Variants in NSG1 observed in about 807,000 individuals in gnomAD.
NSG1 encodes the protein neuronal vesicle trafficking associated 1.
Under a neutral mutation model 19.3 loss-of-function variants are expected in NSG1, and 9 were observed. The ratio of observed to expected loss-of-function variants is 0.47; its 90% CI spans 0.28 to 0.81. The LOEUF (loss-of-function observed/expected upper bound fraction) is 0.81. Ranked by LOEUF, NSG1 falls within the 40% of genes least tolerant of loss-of-function variation. The probability of loss-of-function intolerance (pLI) is 0.11; values close to 1 mark genes in which losing one functional copy is unlikely to be tolerated. For synonymous variants in NSG1, 104 were observed against 107.0 expected, an observed-to-expected ratio of 0.97 and a Z score of 0.17; for missense variants, 236 against 242.4, an observed-to-expected ratio of 0.97 and a Z score of 0.18.
intron 3 of NSG1, among the ~76,000 whole-genome samples, chr4:4,402,458 G>C (rs1020412607): frequency 2.1e-5 from 3 of 140,672 alleles, no homozygotes; most frequent in African/African-American, 8.0e-5. Flanking sequence ...CGGGATCTCG[G>C]CTCACTGCAA....
intron 1 of NSG1, 137 bp from the exon 2 acceptor site, chr4:4,387,467 C>G: frequency 1.6e-6 from 1 of 618,230 alleles, no homozygotes; most frequent in Non-Finnish European, 2.9e-6. Context: ...CACCGCGTCC[C>G]CACGAGCCCT....
In NSG1 at chr4:4,407,407, T is replaced by C. The variant is rs951521328; in HGVS notation, c.247-2166T>C. Among the ~76,000 whole-genome samples, 10 of 150,660 alleles carry C rather than the reference T, an allele frequency of 6.6e-5. No homozygotes were observed. In the East Asian group the frequency reaches 2.0e-3, roughly 30 times the overall value. On this transcript the variant is annotated intron_variant, in intron 3 of 4. Coordinates refer to ENST00000621129, the MANE Select transcript of NSG1 (RefSeq NM_014392.5). Reference sequence around the variant, plus strand: ...GCTGGGGAGATGGGAGGGCGGGCGGTGGGATGTAGCAGGTAGCCAGGCGGA... The same window carrying C: ...GCTGGGGAGATGGGAGGGCGGGCGGCGGGATGTAGCAGGTAGCCAGGCGGA...
chr4:4,404,641 C>A (rs1723756147), intron 3 of NSG1, among the ~76,000 whole-genome samples: 1 of 152,228 alleles, frequency 6.6e-6, no homozygotes, highest in Non-Finnish European at 1.5e-5. Context: ...TTAAAAGATA[C>A]TGCAAGGTCC....
At chr4:4,387,443 C>T (rs1483211764) in intron 1 of NSG1, among the ~76,000 whole-genome samples, 161 bp from the exon 2 acceptor site, 2 of 152,080 alleles carry the variant, frequency 1.3e-5, no homozygotes, top group Non-Finnish European at 2.9e-5. Context: ...CCGACCCCCG[C>T]ATCGGGCCGT....
rs1320225885 is a variant in NSG1 at position 4,398,294 on chromosome 4, T to C, written c.246+6703T>C. ...TAATTGTGGTAAAATATGCAAAATATAAAACTTACCGCTTTAAGGTAAGTG... is the reference window on the plus strand; with the variant it reads ...TAATTGTGGTAAAATATGCAAAATACAAAACTTACCGCTTTAAGGTAAGTG... On this transcript the variant is annotated intron_variant, in intron 3 of 4. Coordinates refer to ENST00000621129, the MANE Select transcript of NSG1 (RefSeq NM_014392.5). 2.6e-5 allele frequency among the ~76,000 whole-genome samples: 4 copies of C among 152,314 alleles called. No homozygotes were observed. In the East Asian group the frequency reaches 7.7e-4, roughly 29 times the overall value.
In NSG1 at chr4:4,417,314, T is replaced by A. The variant is rs766394146; in HGVS notation, c.437T>A (p.Val146Asp). 6.2e-7 allele frequency: 1 copy of A among 1,614,040 alleles called. No homozygotes were observed. Among genetic ancestry groups the A allele is most frequent in the Non-Finnish European group, 8.5e-7 (1 of 1,180,028 alleles). The change falls in exon 5 of 5, where the codon GTC (valine) becomes GAC (aspartate). Residue 146 changes from valine to aspartate, a missense_variant. By Grantham distance (152) the Val-to-Asp change is radical. Transcript: ENST00000621129. ...AGTGCCCGGGAGAAATTTTACACAGTCATAAACCACTACAACCTGGCCAAG... is the reference window on the plus strand; with the variant it reads ...AGTGCCCGGGAGAAATTTTACACAGACATAAACCACTACAACCTGGCCAAG... ...DSSAREKFYT[V>D]INHYNLAKQS...
chr4:4,408,020 C>G (rs1243376235), intron 3 of NSG1, among the ~76,000 whole-genome samples: 7 of 152,122 alleles, frequency 4.6e-5, no homozygotes, highest in Admixed American at 4.6e-4. Flanking sequence ...CACTTTCTCA[C>G]GTACATCTCC....
chr4:4,389,528 C>A (rs1024500674), intron 2 of NSG1, among the ~76,000 whole-genome samples: 1 of 152,184 alleles, frequency 6.6e-6, no homozygotes. Flanking sequence ...GGTCACTGGG[C>A]TGAAGGTTAC....
Position 4,417,411 on chromosome 4 carries a change from T to C in NSG1, c.534T>C (p.Thr178=). ...AAGAGAAGCTGTCCGAGCAGGAGACTGAAGCGGCTGAGAAGTCAGCTTAGC... is the reference window on the plus strand; with the variant it reads ...AAGAGAAGCTGTCCGAGCAGGAGACCGAAGCGGCTGAGAAGTCAGCTTAGC... ...LSEEKLSEQE[T]EAAEKSA The change falls in exon 5 of 5, where the codon ACT becomes ACC. Residue 178 remains threonine (T), a synonymous_variant. Transcript: ENST00000621129. 1 of 1,614,242 alleles carries C rather than the reference T, an allele frequency of 6.2e-7. No individual in the cohort carries two copies. Among genetic ancestry groups the C allele is most frequent in the Non-Finnish European group, 8.5e-7 (1 of 1,180,046 alleles).
chr4:4,391,423 G>A, intron 2 of NSG1, 52 bp from the exon 3 acceptor site: 1 of 1,251,074 alleles, frequency 8.0e-7, no homozygotes, highest in Non-Finnish European at 1.1e-6. Context: ...ACCCTCTTTG[G>A]GCAGATATGT....
Position 4,417,511 on chromosome 4 carries a change from A to T in NSG1, c.*76A>T. The T allele has an allele frequency of 7.5e-7, 1 of 1,338,552 alleles. No individual in the cohort carries two copies. Among genetic ancestry groups the T allele is most frequent in the South Asian group, 1.2e-5 (1 of 82,014 alleles). The allele number at this position is 1,338,552 out of a possible 1,614,324, so 82.9% of individuals were successfully genotyped here. ...TTTGAGGGACATTTCATTAAATATA[A>T]TTACTGATACTTTAGAGGTTACTCA... On this transcript the variant is annotated 3_prime_UTR_variant, in exon 5 of 5. Transcript: ENST00000621129.
At position 4,418,519 on chromosome 4, in the gene NSG1, C is replaced by T. The variant is rs1322671528; in HGVS notation, c.*1084C>T. On this transcript the variant is annotated 3_prime_UTR_variant, in exon 5 of 5. Coordinates refer to ENST00000621129, the MANE Select transcript of NSG1 (RefSeq NM_014392.5). ...GTAAGAAAATTGTTCCAGTTTGAAT[C>T]TTGATATTAAAGTTTATGTTTACAA... The T allele has an allele frequency of 6.6e-6, 1 of 152,550 alleles. No homozygotes were observed. Among genetic ancestry groups the T allele is most frequent in the African/African-American group, 2.4e-5 (1 of 41,402 alleles). The allele number at this position is 152,550 out of a possible 1,614,324, so 9.4% of individuals were successfully genotyped here. A position where few individuals can be genotyped will look rare whatever the true frequency, so the allele number is the denominator to read the frequency against.
At position 4,417,705 on chromosome 4, in the gene NSG1, C is replaced by T. The variant is rs1458199383; in HGVS notation, c.*270C>T. The T allele has an allele frequency of 2.1e-6, 1 of 470,728 alleles. No individual in the cohort carries two copies. The highest frequency in any genetic ancestry group is 3.9e-6 in the Non-Finnish European group (1 of 259,656). The allele number at this position is 470,728 out of a possible 1,614,324, so 29.2% of individuals were successfully genotyped here. A position where few individuals can be genotyped will look rare whatever the true frequency, so the allele number is the denominator to read the frequency against. ...CTCCTTTACTGGGATTTATTGGATG[C>T]TGTAAAAAAATAAATTTACACTGGA... On this transcript the variant is annotated 3_prime_UTR_variant, in exon 5 of 5. Coordinates refer to ENST00000621129, the MANE Select transcript of NSG1 (RefSeq NM_014392.5).
At chr4:4,409,523 C>G (rs368431729) in intron 3 of NSG1, 50 bp from the exon 4 acceptor site, 315 of 1,362,254 alleles carry the variant, frequency 2.3e-4, no homozygotes, top group Non-Finnish European at 3.0e-4. Flanking sequence ...GTGTGTGTGT[C>G]TGTCCTGCTG....
intron 3 of NSG1, among the ~76,000 whole-genome samples, chr4:4,406,555 G>A (rs992841758): frequency 6.6e-6 from 1 of 152,172 alleles, no homozygotes; most frequent in Admixed American, 6.5e-5. Context: ...CATGCGACGG[G>A]GCAGCTGGTT....
At chr4:4,414,488 C>A (rs547147556) in intron 4 of NSG1, among the ~76,000 whole-genome samples, 1 of 152,286 alleles carries the variant, frequency 6.6e-6, no homozygotes, top group East Asian at 1.9e-4. Context: ...CTGTATCCAG[C>A]TGCCCTTGGC....
chr4:4,398,477 T>C (rs560705413), intron 3 of NSG1, among the ~76,000 whole-genome samples: 2 of 151,538 alleles, frequency 1.3e-5, no homozygotes, highest in East Asian at 3.9e-4. Flanking sequence ...TAGCCACAAA[T>C]CTGTTTTGTG....
intron 4 of NSG1, among the ~76,000 whole-genome samples, chr4:4,414,133 A>T (rs1165683935): frequency 1.3e-5 from 2 of 151,930 alleles, no homozygotes; most frequent in East Asian, 3.9e-4. Context: ...AGCCTGGAGC[A>T]GGTTCCCCAC....
chr4:4,411,460 C>T (rs1724175889), intron 4 of NSG1, among the ~76,000 whole-genome samples: 1 of 152,090 alleles, frequency 6.6e-6, no homozygotes, highest in South Asian at 2.1e-4. Context: ...ATAACAATGC[C>T]AGGCCAGGTG....
Sources: gnomAD v4.1 joint callset for allele counts (sites outside exome capture counted in the v4.1 genomes callset) on GRCh38, gnomAD v4.1.1 for gene constraint, MANE v1.5 for transcripts, NCBI Gene and HGNC (gene_info 2026-07-23, HGNC 2026-07-21) for gene names.